ZNF91: variants seen among roughly 807,000 people sequenced by gnomAD.
ZNF91 encodes the protein zinc finger protein 91 (HPF7, HTF10).
In ZNF91, 7 loss-of-function variants were observed where a neutral mutation model predicts 12.6. The observed-to-expected ratio is 0.55, with a 90% CI of 0.31 to 1.04. The LOEUF is 1.04. Among genes scored for constraint, ZNF91 ranks in the 50% least tolerant of loss-of-function variants. ZNF91 has a pLI of 0.05. For synonymous variants in ZNF91, 453 were observed against 462.6 expected, an observed-to-expected ratio of 0.98 and a Z score of 0.27; for missense variants, 1,217 against 1,385.4, an observed-to-expected ratio of 0.88 and a Z score of 1.93.
At chr19:23,372,372 C>T (rs1356652743) in intron 3 of ZNF91, among the ~76,000 whole-genome samples, 1 of 152,136 alleles carries the variant, frequency 6.6e-6, no homozygotes, top group East Asian at 1.9e-4. Flanking sequence ...TGGAGAACTG[C>T]TTCCGGTCAA....
At position 23,362,339 on chromosome 19, in the gene ZNF91, C is replaced by G. The variant is rs553010504; in HGVS notation, c.640G>C (p.Glu214Gln). ...YITEKSCKCK[E>Q]CEKTFHWSST... ...GACCAATGAAAGGTTTTTTCACATT[C>G]TTTACATTTACAGGACTTCTCTGTA... is the stretch of plus-strand genomic sequence containing the variant. Residue 214 changes from glutamate (E) to glutamine (Q), a missense_variant, in exon 4 of 4, where the codon GAA becomes CAA. By Grantham distance (29) the Glu-to-Gln change is conservative. This residue lies in a region of ZNF91 where 726 missense variants were observed against 895.5 expected (regional missense o/e 0.81). Transcript: ENST00000300619. 2 of 1,613,130 alleles carry G rather than the reference C, an allele frequency of 1.2e-6. No homozygotes were observed. The highest frequency in any genetic ancestry group is 4.5e-5 in the East Asian group (2 of 44,860).
intron 1 of ZNF91, chr19:23,385,138 A>C: frequency 1.4e-6 from 1 of 735,064 alleles, no homozygotes; most frequent in Non-Finnish European, 2.4e-6. Flanking sequence ...AGCCGAAGAC[A>C]TGTTTCACCA....
Position 23,361,960 on chromosome 19 carries a change from T to G in ZNF91, c.1019A>C (p.His340Pro), listed in dbSNP as rs896623684. Residue 340 changes from histidine to proline, a missense_variant, in exon 4 of 4, where the codon CAT becomes CCT. Physicochemically the swap from His to Pro is moderately conservative, Grantham distance 77 (BLOSUM62 -2). Coordinates refer to ENST00000300619, the MANE Select transcript of ZNF91 (RefSeq NM_003430.4). ...TTTCTCTCCAGTATGAATTCTCTTA[T>G]GTTTAGCAAGGGTTGAAGAACGGCT... ...AFSRSSTLAKHKRIHTGEKPY... is the reference protein window; with the variant it reads ...AFSRSSTLAKPKRIHTGEKPY... 6.2e-7 allele frequency: 1 copy of G among 1,613,398 alleles called. No individual in the cohort carries two copies. Among genetic ancestry groups the G allele is most frequent in the Non-Finnish European group, 8.5e-7 (1 of 1,179,688 alleles).
At position 23,373,796 on chromosome 19, in the gene ZNF91, G is replaced by T. The variant is rs751299264; in HGVS notation, c.199C>A (p.Gln67Lys). ...TTCATATTCCAGGGCTCTTTTCCTT[G>T]CTCCAGATAAGTAATCAGGTCTGGC... ...SKPDLITYLEQGKEPWNMKQH... is the reference protein window; with the variant it reads ...SKPDLITYLEKGKEPWNMKQH... The change falls in exon 3 of 4, where the codon CAA becomes AAA. Residue 67 changes from glutamine to lysine, a missense_variant. Physicochemically the swap from Gln to Lys is moderately conservative, Grantham distance 53 (BLOSUM62 1). Around this residue, in one of 2 missense-constraint regions of ZNF91, gnomAD observed 726 missense variants for 895.5 expected, o/e 0.81. Coordinates refer to ENST00000300619, the MANE Select transcript of ZNF91 (RefSeq NM_003430.4). 3.1e-6 allele frequency: 5 copies of T among 1,611,122 alleles called. No homozygotes were observed. The highest frequency in any genetic ancestry group is 3.3e-5 in the Admixed American group (2 of 59,764).
At chr19:23,368,388 G>T (rs1969103471) in intron 3 of ZNF91, among the ~76,000 whole-genome samples, 1 of 151,842 alleles carries the variant, frequency 6.6e-6, no homozygotes, top group African/African-American at 2.4e-5. Flanking sequence ...GGCGGCACGT[G>T]CCTGTAGTCT....
chr19:23,342,734 G>T (rs958930523), intron 3 of ZNF91, among the ~76,000 whole-genome samples: 2 of 151,812 alleles, frequency 1.3e-5, no homozygotes, highest in Non-Finnish European at 2.9e-5. Flanking sequence ...AAGCCTGATG[G>T]TATATTAGAA....
intron 3 of ZNF91, 147 bp downstream of exon 3, chr19:23,373,595 A>C: frequency 1.9e-6 from 1 of 519,226 alleles, no homozygotes; most frequent in East Asian, 3.6e-5. Context: ...CATTAACAGA[A>C]GTGATAGCAT....
chr19:23,388,077 C>T lies in ZNF91; in HGVS notation c.30+7248G>A, dbSNP rs149076189. ...CCTGGTCAACATGGTGAAACCCCGTCTCTACTAAAACTACAAAAATTAGCA... is the reference window on the plus strand; with the variant it reads ...CCTGGTCAACATGGTGAAACCCCGTTTCTACTAAAACTACAAAAATTAGCA... On this transcript the variant is annotated intron_variant, in intron 1 of 3. Transcript: ENST00000300619. Among the ~76,000 whole-genome samples, 747 of 151,746 alleles carry T rather than the reference C, an allele frequency of 4.9e-3. 5 individuals are homozygous for T. The highest frequency in any genetic ancestry group is 0.017 in the African/African-American group (695 of 41,378).
intron 3 of ZNF91, among the ~76,000 whole-genome samples, chr19:23,345,548 T>C (rs295390): frequency 0.3 from 44,976 of 151,874 alleles, 7,048 homozygotes; most frequent in African/African-American, 0.4. Context: ...TTCTTGCTCA[T>C]GTGTTCAAAT....
intron 1 of ZNF91, among the ~76,000 whole-genome samples, chr19:23,379,167 A>G (rs941893723): frequency 6.6e-6 from 1 of 152,198 alleles, no homozygotes; most frequent in Non-Finnish European, 1.5e-5. Flanking sequence ...AGCCAGCAAG[A>G]GAGACTCAGG....
chr19:23,319,472 C>A (rs954814188), intron 1 of ZNF91, among the ~76,000 whole-genome samples: 7 of 152,216 alleles, frequency 4.6e-5, no homozygotes, highest in African/African-American at 9.6e-5. Context: ...TCCTTTCTCC[C>A]AGGCCCCAAA....
chr19:23,366,288 G>A lies in ZNF91; in HGVS notation c.254-3563C>T, dbSNP rs144297540. Among the ~76,000 whole-genome samples the A allele has an allele frequency of 1.2e-3, 186 of 152,124 alleles. 1 individual carries two copies. Among genetic ancestry groups the A allele is most frequent in the African/African-American group, 4.4e-3 (181 of 41,534 alleles). Reference sequence around the variant, plus strand: ...TCCCAGACGGGGCGGCTGGCCTGGCGGGGGGCTGACCAGAAGTCTTTACTA... The same window carrying A: ...TCCCAGACGGGGCGGCTGGCCTGGCAGGGGGCTGACCAGAAGTCTTTACTA... On this transcript the variant is annotated intron_variant, in intron 3 of 3. Coordinates refer to ENST00000300619, the MANE Select transcript of ZNF91 (RefSeq NM_003430.4).
Position 23,332,120 on chromosome 19 carries a change from C to T in ZNF91, n.117-23023G>A, listed in dbSNP as rs537205822. On this transcript the variant is annotated intron_variant and non_coding_transcript_variant, in intron 1 of 1. Transcript: ENST00000596528. ...AGGTTTGTTTGTATTTGCATTAAAT[C>T]ATATAAACCAGAAGTTAAATCTTTC... Among the ~76,000 whole-genome samples, 3 of 152,318 alleles carry T rather than the reference C, an allele frequency of 2.0e-5. No homozygotes were observed. The East Asian group carries it at 5.8e-4, about 29-fold the overall frequency.
chr19:23,368,548 C>CTATA (rs1197913888), intron 3 of ZNF91, among the ~76,000 whole-genome samples: 2 of 73,620 alleles, frequency 2.7e-5, no homozygotes, highest in South Asian at 4.5e-4. Context: ...CTCTCTCTCT[C>CTATA]TCTCTCTCTC....
chr19:23,323,369 C>T (rs545465240), intron 1 of ZNF91, among the ~76,000 whole-genome samples: 1 of 143,030 alleles, frequency 7.0e-6, no homozygotes, highest in Non-Finnish European at 1.5e-5. Flanking sequence ...TCCTCCTCTT[C>T]CCTTCCTCTT....
intron 1 of ZNF91, among the ~76,000 whole-genome samples, chr19:23,393,044 G>GT (rs1970116466): frequency 6.6e-6 from 1 of 151,738 alleles, no homozygotes. Flanking sequence ...CAGTTTTTTG[G>GT]TTTTTTGGGT....
intron 3 of ZNF91, among the ~76,000 whole-genome samples, chr19:23,343,689 G>C (rs1968166559): frequency 6.6e-6 from 1 of 151,950 alleles, no homozygotes; most frequent in Non-Finnish European, 1.5e-5. Flanking sequence ...GGAAGAGAGA[G>C]AGTAAAGCCG....
At chr19:23,323,712 CTTT>C (rs1599689076) in intron 1 of ZNF91, among the ~76,000 whole-genome samples, 1 of 134,070 alleles carries the variant, frequency 7.5e-6, no homozygotes, top group Admixed American at 7.3e-5. Flanking sequence ...TCTCCTCCTT[CTTT>C]TCTTCTACGC....
chr19:23,333,132 C>A (rs1311502289), intron 1 of ZNF91, among the ~76,000 whole-genome samples: 1 of 152,174 alleles, frequency 6.6e-6, no homozygotes, highest in African/African-American at 2.4e-5. Context: ...TTTAACCTCA[C>A]TGGAAGTGCT....
Sources: allele counts gnomAD v4.1 joint callset (sites outside exome capture counted in the v4.1 genomes callset), GRCh38; gene constraint gnomAD v4.1.1; regional missense constraint gnomAD v4.1.1; transcripts MANE v1.5; gene names NCBI Gene and HGNC (gene_info 2026-07-23, HGNC 2026-07-21).